Variants in NMRK2 observed in about 807,000 individuals in gnomAD.
NMRK2 encodes the protein NRK 2.
NMRK2 carries 34 observed loss-of-function variants against 24.7 expected under a neutral mutation model. The ratio of observed to expected loss-of-function variants is 1.37; its 90% CI spans 1.05 to 1.83. The LOEUF (loss-of-function observed/expected upper bound fraction) is 1.83. Ranked by LOEUF, NMRK2 falls within the 40% of genes most tolerant of loss-of-function variation. The pLI is 0.00. For synonymous variants in NMRK2, 145 were observed against 125.6 expected, an observed-to-expected ratio of 1.15 and a Z score of -1.03; for missense variants, 341 against 315.0, an observed-to-expected ratio of 1.08 and a Z score of -0.62.
At chr19:3,937,075 A>G (rs981207455) in intron 3 of NMRK2, 165 bp from the exon 4 acceptor site, 8 of 670,470 alleles carry the variant, frequency 1.2e-5, no homozygotes, top group African/African-American at 1.1e-4. Flanking sequence ...GGTGAGGGCT[A>G]ATGAGATGAT....
intron 7 of NMRK2, among the ~76,000 whole-genome samples, chr19:3,941,787 C>T (rs567638645): frequency 2.6e-5 from 4 of 152,092 alleles, no homozygotes; most frequent in South Asian, 2.1e-4. Context: ...GGATTACAGG[C>T]GCGCGTCACC....
intron 2 of NMRK2, among the ~76,000 whole-genome samples, chr19:3,936,284 T>C (rs905374944): frequency 6.6e-6 from 1 of 151,822 alleles, no homozygotes; most frequent in African/African-American, 2.4e-5. Flanking sequence ...GGCGTGTGCC[T>C]GTAGTCCCAG....
At chr19:3,939,631 G>GC (rs1337155124) in intron 5 of NMRK2, among the ~76,000 whole-genome samples, 4 of 152,138 alleles carry the variant, frequency 2.6e-5, no homozygotes, top group Admixed American at 2.6e-4. Flanking sequence ...CCTAGGCTGC[G>GC]CCCTCTGGCT....
chr19:3,937,151 A>T, intron 3 of NMRK2, 89 bp from the exon 4 acceptor site: 1 of 1,358,078 alleles, frequency 7.4e-7, no homozygotes, highest in Non-Finnish European at 1.0e-6. Context: ...CAGCAGCTCC[A>T]GCAAGGGACC....
In NMRK2 at chr19:3,940,861, G is replaced by A. The variant is rs80225311; in HGVS notation, c.396-210G>A. Among the ~76,000 whole-genome samples the A allele has an allele frequency of 2.3e-4, 35 of 152,222 alleles. No homozygotes were observed. In the East Asian group the frequency reaches 6.4e-3, roughly 28 times the overall value. ...CCAGAGCCTGAGGCCTGGATAGCAC[G>A]GCCCACCCCAACCCTGTCCAGGGCA... is the stretch of plus-strand genomic sequence containing the variant. On this transcript the variant is annotated intron_variant, in intron 6 of 7. Coordinates refer to ENST00000168977, the MANE Select transcript of NMRK2 (RefSeq NM_170678.3).
Position 3,941,233 on chromosome 19 carries a change from C to A in NMRK2, c.502+56C>A, listed in dbSNP as rs1001743722. ...CCGGGCGGGCGGGGGGGACCCTGGG[C>A]CCAGCCCCTCTCCATCTTTTTTTTT... On this transcript the variant is annotated intron_variant, in intron 7 of 7. Coordinates refer to ENST00000168977, the MANE Select transcript of NMRK2 (RefSeq NM_170678.3). 11 of 867,354 alleles carry A rather than the reference C, an allele frequency of 1.3e-5. No individual in the cohort carries two copies. The African/African-American group carries it at 1.6e-4, about 13-fold the overall frequency. The allele number at this position is 867,354 out of a possible 1,614,324, so 53.7% of individuals were successfully genotyped here.
chr19:3,938,506 C>A, intron 4 of NMRK2, 97 bp from the exon 5 acceptor site: 1 of 1,131,992 alleles, frequency 8.8e-7, no homozygotes, highest in Non-Finnish European at 1.2e-6. Flanking sequence ...CGCTCCCCAT[C>A]CACCGTCCCC....
In NMRK2 at chr19:3,942,206, A is replaced by C. The variant is rs1212558480; in HGVS notation, c.626A>C (p.Gln209Pro). 2.5e-6 allele frequency: 4 copies of C among 1,613,030 alleles called. No individual in the cohort carries two copies. Among genetic ancestry groups the C allele is most frequent in the Non-Finnish European group, 1.7e-6 (2 of 1,179,946 alleles). ...APSPARPART[Q>P]GPGRGCGHRT... Reference sequence around the variant, plus strand: ...TCCCCGGCTCGCCCAGCCAGGACACAGGGACCCGGACGCGGATGCGGCCAC... The same window carrying C: ...TCCCCGGCTCGCCCAGCCAGGACACCGGGACCCGGACGCGGATGCGGCCAC... Residue 209 changes from glutamine (Q) to proline (P), a missense_variant, in exon 8 of 8, where the codon CAG becomes CCG. By Grantham distance (76) the Gln-to-Pro change is moderately conservative. Coordinates refer to ENST00000168977, the MANE Select transcript of NMRK2 (RefSeq NM_170678.3).
intron 2 of NMRK2, 117 bp downstream of exon 2, chr19:3,933,814 G>A (rs1002585124): frequency 4.8e-6 from 5 of 1,049,466 alleles, no homozygotes; most frequent in African/African-American, 3.4e-5. Context: ...CCTACACGCC[G>A]CCCGAGGTCA....
Position 3,942,320 on chromosome 19 carries a change from C to A in NMRK2, c.*47C>A, listed in dbSNP as rs1303708289. ...TGTACGTAGGAGAGTGGAGGCCCCA[C>A]TCCCAGTTGGGCGTCCCGGAGCTCA... On this transcript the variant is annotated 3_prime_UTR_variant, in exon 8 of 8. Transcript: ENST00000168977. 6.6e-7 allele frequency: 1 copy of A among 1,525,442 alleles called. No individual in the cohort carries two copies. Among genetic ancestry groups the A allele is most frequent in the Non-Finnish European group, 8.9e-7 (1 of 1,129,238 alleles). The allele number at this position is 1,525,442 out of a possible 1,614,324, so 94.5% of individuals were successfully genotyped here.
intron 4 of NMRK2, among the ~76,000 whole-genome samples, chr19:3,938,000 C>G (rs1174528679): frequency 1.8e-4 from 20 of 110,668 alleles, no homozygotes; most frequent in Non-Finnish European, 1.8e-4. Flanking sequence ...CCCGCTCCCC[C>G]TCCACTGTCC....
At position 3,936,277 on chromosome 19, in the gene NMRK2, G is replaced by A. The variant is rs1446348441; in HGVS notation, c.27-298G>A. The stretch of plus-strand genomic sequence containing the variant: ...ACAAAAATTAGCCAGGCGTGGTGGC[G>A]TGTGCCTGTAGTCCCAGCTACTCAG... On this transcript the variant is annotated intron_variant, in intron 2 of 7. Transcript: ENST00000168977. Among the ~76,000 whole-genome samples, 24 of 151,976 alleles carry A rather than the reference G, an allele frequency of 1.6e-4. 1 individual carries two copies. Among genetic ancestry groups the A allele is most frequent in the Admixed American group, 1.4e-3 (21 of 15,256 alleles).
Position 3,939,877 on chromosome 19 carries a change from C to G in NMRK2, c.324-23C>G, listed in dbSNP as rs113983965. 3 of 1,604,370 alleles carry G rather than the reference C, an allele frequency of 1.9e-6. No individual in the cohort carries two copies. In the African/African-American group the frequency reaches 4.0e-5, roughly 21 times the overall value. On this transcript the variant is annotated intron_variant, in intron 5 of 7. Transcript: ENST00000168977. ...TGAAGGAAAGCTCACAGGTGCTGACCGTGTCTCCCCCACTCCGCCCAGGCC... is the reference window on the plus strand; with the variant it reads ...TGAAGGAAAGCTCACAGGTGCTGACGGTGTCTCCCCCACTCCGCCCAGGCC...
At chr19:3,934,491 A>ACGGGAG (rs1390969856) in intron 2 of NMRK2, among the ~76,000 whole-genome samples, 3 of 151,158 alleles carry the variant, frequency 2.0e-5, no homozygotes, top group Non-Finnish European at 2.9e-5. Context: ...CTCAGAAGGG[A>ACGGGAG]CGGGAGCTTG....
At position 3,936,808 on chromosome 19, in the gene NMRK2, C is replaced by T. The variant is rs75174072; in HGVS notation, c.117+143C>T. 9.9e-3 allele frequency: 6,339 copies of T among 639,264 alleles called. 56 individuals are homozygous for T. The highest frequency in any genetic ancestry group is 0.014 in the Non-Finnish European group (5,283 of 376,010). The allele number at this position is 639,264 out of a possible 1,614,324, so 39.6% of individuals were successfully genotyped here. A position where few individuals can be genotyped will look rare whatever the true frequency, so the allele number is the denominator to read the frequency against. On this transcript the variant is annotated intron_variant, in intron 3 of 7. Coordinates refer to ENST00000168977, the MANE Select transcript of NMRK2 (RefSeq NM_170678.3). ...CCCTGCCTGACCCCTCCTGGGGTCT[C>T]TGGGATAAACTGGGCCAGGAAAGTG...
chr19:3,937,199 G>T (rs1332519191), intron 3 of NMRK2, 41 bp from the exon 4 acceptor site: 2 of 1,608,900 alleles, frequency 1.2e-6, no homozygotes, highest in South Asian at 1.1e-5. Context: ...GGTGAGGCAG[G>T]ACCGGGCACT....
intron 2 of NMRK2, 114 bp downstream of exon 2, chr19:3,933,811 G>A: frequency 9.4e-7 from 1 of 1,061,422 alleles, no homozygotes; most frequent in Non-Finnish European, 1.3e-6. Context: ...TCACCTACAC[G>A]CCGCCCGAGG....
At chr19:3,935,446 G>A (rs2039197852) in intron 2 of NMRK2, among the ~76,000 whole-genome samples, 2 of 151,756 alleles carry the variant, frequency 1.3e-5, no homozygotes, top group African/African-American at 4.8e-5. Context: ...ACTAGAGACA[G>A]GGTTTCACCA....
chr19:3,939,872 C>T, intron 5 of NMRK2, 28 bp from the exon 6 acceptor site: 1 of 1,600,488 alleles, frequency 6.2e-7, no homozygotes, highest in Middle Eastern at 1.7e-4. Flanking sequence ...CTCACAGGTG[C>T]TGACCGTGTC....
Sources: allele counts gnomAD v4.1 joint callset (sites outside exome capture counted in the v4.1 genomes callset), GRCh38; gene constraint gnomAD v4.1.1; transcripts MANE v1.5; gene names NCBI Gene and HGNC (gene_info 2026-07-23, HGNC 2026-07-21).